Variants in ATP10B observed in about 807,000 individuals in gnomAD.
The protein encoded by ATP10B is ATPase phospholipid transporting 10B (putative).
In ATP10B, 122 loss-of-function variants were observed where a neutral mutation model predicts 141.2. The observed-to-expected ratio is 0.86, with a 90% confidence interval of 0.75 to 1.00. The LOEUF (loss-of-function observed/expected upper bound fraction) is 1.00. Among genes scored for constraint, ATP10B ranks in the 50% least tolerant of loss-of-function variants. The pLI, the probability that ATP10B is intolerant of heterozygous loss-of-function variation, is 0.00. For synonymous variants in ATP10B, 685 were observed against 692.0 expected, an observed-to-expected ratio of 0.99 and a Z score of 0.16; for missense variants, 1,876 against 1,825.3, an observed-to-expected ratio of 1.03 and a Z score of -0.51.
chr5:160,834,199 C>T (rs1160436877), intron 1 of ATP10B, among the ~76,000 whole-genome samples: 1 of 151,992 alleles, frequency 6.6e-6, no homozygotes, highest in Non-Finnish European at 1.5e-5. Context: ...GTGGTATAAG[C>T]CTGTAATCCT....
chr5:160,756,334 G>A (rs889081744), intron 2 of ATP10B, among the ~76,000 whole-genome samples: 2 of 152,070 alleles, frequency 1.3e-5, no homozygotes, highest in Non-Finnish European at 1.5e-5. Flanking sequence ...TACTCTGAAC[G>A]TTTGTCTATA....
rs758683026 is a variant in ATP10B, at chr5:160,587,851, T to C, written c.3750+1741A>G. Among the ~76,000 whole-genome samples the C allele has an allele frequency of 4.9e-4, 74 of 152,278 alleles. 1 individual carries two copies. The highest frequency in any genetic ancestry group is 9.1e-4 in the Non-Finnish European group (62 of 68,038). On this transcript the variant is annotated intron_variant, in intron 24 of 25. Transcript: ENST00000327245. ...TGGGCTTAGATAATCTTTTATTTTTTCTTTTGAGATGGAGTCCTGCTCCAT... is the reference window on the plus strand; with the variant it reads ...TGGGCTTAGATAATCTTTTATTTTTCCTTTTGAGATGGAGTCCTGCTCCAT...
chr5:160,732,869 G>T (rs1214258151), intron 2 of ATP10B, among the ~76,000 whole-genome samples: 1 of 152,100 alleles, frequency 6.6e-6, no homozygotes, highest in Admixed American at 6.5e-5. Flanking sequence ...CAGAGACAGG[G>T]TCTTGCTCTG....
At chr5:160,793,761 G>A (rs80308227) in intron 1 of ATP10B, among the ~76,000 whole-genome samples, 1 of 152,128 alleles carries the variant, frequency 6.6e-6, no homozygotes, top group African/African-American at 2.4e-5. Context: ...TTCTAGTCTT[G>A]TAAGCTCCAT....
At chr5:160,673,275 T>C (rs542327066) in intron 6 of ATP10B, among the ~76,000 whole-genome samples, 1 of 152,336 alleles carries the variant, frequency 6.6e-6, no homozygotes, top group African/African-American at 2.4e-5. Context: ...ATCCCTTTTC[T>C]TTTCCTTTAA....
At chr5:160,775,201 C>T (rs568773293) in intron 2 of ATP10B, among the ~76,000 whole-genome samples, 8 of 152,326 alleles carry the variant, frequency 5.3e-5, no homozygotes, top group South Asian at 2.1e-4. Flanking sequence ...CCTGTCTGCA[C>T]GCAGCCAAGT....
the ATP10B span, among the ~76,000 whole-genome samples, chr5:160,899,434 A>C: frequency 6.6e-6 from 1 of 152,078 alleles, no homozygotes; most frequent in Non-Finnish European, 1.5e-5. Flanking sequence ...GGTATGAGGA[A>C]ACTTTGGGGG....
chr5:160,803,609 G>C (rs1486006138), intron 1 of ATP10B, among the ~76,000 whole-genome samples: 1 of 152,168 alleles, frequency 6.6e-6, no homozygotes, highest in Non-Finnish European at 1.5e-5. Flanking sequence ...CCCGGAGGTG[G>C]AGGTTGCAGT....
chr5:160,640,153 T>C (rs1021135713), intron 10 of ATP10B, among the ~76,000 whole-genome samples: 2 of 152,270 alleles, frequency 1.3e-5, no homozygotes, highest in Non-Finnish European at 2.9e-5. Context: ...TGTGTGTTCA[T>C]GTTTTACAGC....
chr5:160,640,768 C>T (rs1392098688), intron 9 of ATP10B, among the ~76,000 whole-genome samples, 176 bp from the exon 10 acceptor site: 1 of 152,180 alleles, frequency 6.6e-6, no homozygotes, highest in Non-Finnish European at 1.5e-5. Context: ...ACATAATTTA[C>T]CAGCAGGCAC....
the ATP10B span, among the ~76,000 whole-genome samples, chr5:160,892,289 C>G: frequency 6.6e-6 from 1 of 152,216 alleles, no homozygotes; most frequent in African/African-American, 2.4e-5. Flanking sequence ...TTCACCTGCT[C>G]CAGCCATGCT....
chr5:160,663,652 GC>G (rs1762118287), intron 7 of ATP10B, among the ~76,000 whole-genome samples: 1 of 79,658 alleles, frequency 1.3e-5, no homozygotes, highest in East Asian at 4.0e-4. Flanking sequence ...GGTGGGGAGA[GC>G]GGGGAGGGAT....
At chr5:160,644,711 G>A (rs1225280196) in intron 8 of ATP10B, among the ~76,000 whole-genome samples, 2 of 152,070 alleles carry the variant, frequency 1.3e-5, no homozygotes, top group Non-Finnish European at 2.9e-5. Context: ...ACCCTATATG[G>A]TTTAAAAAGG....
chr5:160,906,751 C>T, the ATP10B span, among the ~76,000 whole-genome samples: 1 of 152,184 alleles, frequency 6.6e-6, no homozygotes, highest in African/African-American at 2.4e-5. Flanking sequence ...ACCGCCTCTC[C>T]TTCTTCCTCC....
At chr5:160,783,002 T>G (rs1770832712) in intron 2 of ATP10B, among the ~76,000 whole-genome samples, 1 of 152,090 alleles carries the variant, frequency 6.6e-6, no homozygotes, top group African/African-American at 2.4e-5. Context: ...GTATGCCTCC[T>G]CCAGGAGAAC....
At chr5:160,896,481 A>G in the ATP10B span, among the ~76,000 whole-genome samples, 1 of 152,164 alleles carries the variant, frequency 6.6e-6, no homozygotes, top group African/African-American at 2.4e-5. Flanking sequence ...ACACCCTCCT[A>G]AGACTAAACC....
chr5:160,895,271 G>C, the ATP10B span, among the ~76,000 whole-genome samples: 2 of 152,096 alleles, frequency 1.3e-5, no homozygotes, highest in Admixed American at 6.5e-5. Flanking sequence ...ATTGGATAAA[G>C]AGTGAGGAAC....
At chr5:160,683,350 A>G (rs1423848350) in intron 6 of ATP10B, among the ~76,000 whole-genome samples, 1 of 152,182 alleles carries the variant, frequency 6.6e-6, no homozygotes, top group Non-Finnish European at 1.5e-5. Context: ...TGAGGGATGA[A>G]CATGGAGTTT....
intron 19 of ATP10B, among the ~76,000 whole-genome samples, chr5:160,605,142 A>G (rs1581188544): frequency 6.6e-6 from 1 of 152,334 alleles, no homozygotes; most frequent in African/African-American, 2.4e-5. Context: ...CTTGTAGACT[A>G]TGCTGCCTTC....
Sources: gnomAD v4.1 joint callset for allele counts (sites outside exome capture counted in the v4.1 genomes callset) on GRCh38, gnomAD v4.1.1 for gene constraint, MANE v1.5 for transcripts, NCBI Gene and HGNC (gene_info 2026-07-23, HGNC 2026-07-21) for gene names.